The following ZNF385C variants were observed in gnomAD, a reference collection of about 807,000 sequenced individuals.
The protein encoded by ZNF385C is CTD-2132N18.2.
A neutral mutation model predicts 35.4 loss-of-function variants in ZNF385C; 28 were observed. That is an observed-to-expected ratio of 0.79 (90% CI 0.59 to 1.08). ZNF385C has a LOEUF of 1.08. ZNF385C is among the 50% of genes least tolerant of loss of function. ZNF385C has a pLI of 0.00. For missense variants in ZNF385C, 605 were observed against 595.6 expected (o/e 1.02, Z -0.16); for synonymous variants, 248 against 248.2 (o/e 1.00, Z 0.01).
chr17:42,066,205 G>A (rs868962315), intron 1 of ZNF385C, among the ~76,000 whole-genome samples: 13 of 152,024 alleles, frequency 8.6e-5, no homozygotes, highest in African/African-American at 1.2e-4. Context: ...GACTACAGGC[G>A]CGTGCCACCA....
chr17:42,035,242 G>A (rs1266071875), intron 3 of ZNF385C, among the ~76,000 whole-genome samples: 3 of 151,942 alleles, frequency 2.0e-5, no homozygotes, highest in African/African-American at 4.8e-5. Context: ...GGAAGCAGGG[G>A]AATGGCCAGA....
rs2053910800 is a variant in ZNF385C, at chr17:42,095,691, T to C, written c.-3+2719A>G. 6.6e-6 allele frequency among the ~76,000 whole-genome samples: 1 copy of C among 152,138 alleles called. No individual in the cohort carries two copies. Among genetic ancestry groups the C allele is most frequent in the Non-Finnish European group, 1.5e-5 (1 of 68,016 alleles). On this transcript the variant is annotated intron_variant, in intron 1 of 8. Coordinates refer to ENST00000692273, the MANE Select transcript of ZNF385C (RefSeq NM_001392013.1). The surrounding 1 kb of genome is among the most constrained non-coding windows in gnomAD (Gnocchi z 4.4). ...GGCCCACAGGGGAACTGCTTGTTGA[T>C]GACAACTGACAATCTTCATTTCACC...
chr17:42,062,443 C>G, intron 2 of ZNF385C: 1 of 187,872 alleles, frequency 5.3e-6, no homozygotes, highest in Non-Finnish European at 1.1e-5. Context: ...AGCCTGGGAC[C>G]CCCACCCCGC....
chr17:42,078,747 C>T (rs1324338823), intron 1 of ZNF385C, among the ~76,000 whole-genome samples: 2 of 152,008 alleles, frequency 1.3e-5, no homozygotes, highest in Non-Finnish European at 2.9e-5. Context: ...GGGGCATGGA[C>T]AGGATGATCT....
In ZNF385C at chr17:42,056,353, G is replaced by T. The variant is rs117611710; in HGVS notation, c.250+6454C>A. 1.4e-3 allele frequency among the ~76,000 whole-genome samples: 220 copies of T among 152,364 alleles called. 5 individuals are homozygous for T. In the East Asian group the frequency reaches 0.036, roughly 25 times the overall value. ...ATTTGTGGAATCATCTGTTGGGACAGCCTGCCCTCTCTGGGCCATACTCCT... is the reference window on the plus strand; with the variant it reads ...ATTTGTGGAATCATCTGTTGGGACATCCTGCCCTCTCTGGGCCATACTCCT... On this transcript the variant is annotated intron_variant, in intron 2 of 8. Transcript: ENST00000692273.
chr17:42,036,425 G>A (rs2052857606), intron 3 of ZNF385C, among the ~76,000 whole-genome samples: 1 of 151,862 alleles, frequency 6.6e-6, no homozygotes, highest in Admixed American at 6.6e-5. Context: ...GGGCGTGGTG[G>A]CTCACACCTG....
intron 2 of ZNF385C, chr17:42,039,642 C>A: frequency 8.2e-7 from 1 of 1,215,252 alleles, no homozygotes; most frequent in South Asian, 4.2e-5. Context: ...ATGGTCAAGT[C>A]TAGGTTGGCC....
Position 42,095,059 on chromosome 17 carries a change from T to G in ZNF385C, c.-3+3351A>C, listed in dbSNP as rs2053903473. Among the ~76,000 whole-genome samples the G allele has an allele frequency of 6.6e-6, 1 of 152,086 alleles. No individual in the cohort carries two copies. Among genetic ancestry groups the G allele is most frequent in the African/African-American group, 2.4e-5 (1 of 41,420 alleles). On this transcript the variant is annotated intron_variant, in intron 1 of 8. Transcript: ENST00000692273. The surrounding 1 kb of genome is among the most constrained non-coding windows in gnomAD (Gnocchi z 4.4). ...CTCTGGGGGTTAGTGCAGGCGGGCA[T>G]GCGTACCTGAGTGAGTTTGTGAGTG...
intron 2 of ZNF385C, chr17:42,038,148 T>C (rs1369254966): frequency 1.4e-6 from 2 of 1,385,558 alleles, no homozygotes; most frequent in South Asian, 1.3e-5. Context: ...TGAGGCAGCA[T>C]ACTGAACCCC....
chr17:42,073,899 G>A (rs2053657830), intron 1 of ZNF385C, among the ~76,000 whole-genome samples: 1 of 152,214 alleles, frequency 6.6e-6, no homozygotes, highest in Non-Finnish European at 1.5e-5. Flanking sequence ...CCATGGTGGG[G>A]AGCCTCAGGG....
chr17:42,042,091 C>G (rs1555656182), intron 2 of ZNF385C, among the ~76,000 whole-genome samples: 1 of 152,072 alleles, frequency 6.6e-6, no homozygotes, highest in Non-Finnish European at 1.5e-5. Context: ...CAAAAGAAAA[C>G]TAAGTCAAAA....
chr17:42,043,499 C>T (rs1359035696), intron 2 of ZNF385C: 15 of 825,700 alleles, frequency 1.8e-5, no homozygotes, highest in East Asian at 3.3e-5. Context: ...GGGGGCAGCC[C>T]GCCAGGCTAA....
intron 2 of ZNF385C, among the ~76,000 whole-genome samples, chr17:42,058,000 C>A (rs1555657710): frequency 6.6e-6 from 1 of 151,802 alleles, no homozygotes. Context: ...GGGGGGTGGG[C>A]AGGGTAAGTC....
chr17:42,071,641 G>C (rs1452568996), intron 1 of ZNF385C, among the ~76,000 whole-genome samples: 1 of 152,200 alleles, frequency 6.6e-6, no homozygotes, highest in African/African-American at 2.4e-5. Context: ...CCTTGCCTCT[G>C]CTGCCAGGCA....
At position 42,052,122 on chromosome 17, in the gene ZNF385C, C is replaced by G. The variant is rs960446661; in HGVS notation, c.250+10685G>C. 6.6e-4 allele frequency among the ~76,000 whole-genome samples: 100 copies of G among 152,286 alleles called. 1 individual carries two copies. Among genetic ancestry groups the G allele is most frequent in the Admixed American group, 1.2e-3 (19 of 15,294 alleles). On this transcript the variant is annotated intron_variant, in intron 2 of 8. Coordinates refer to ENST00000692273, the MANE Select transcript of ZNF385C (RefSeq NM_001392013.1). ...TAAGTGTCTTGGAGCAGCCATGGCT[C>G]ATTAGCTAACTGCCTCAAGAGGGTG...
At chr17:42,094,740 G>T (rs539277890) in intron 1 of ZNF385C, among the ~76,000 whole-genome samples, 6 of 152,298 alleles carry the variant, frequency 3.9e-5, no homozygotes, top group African/African-American at 1.4e-4. Flanking sequence ...GACGTGGGGG[G>T]AGCCAAAGTG....
At chr17:42,072,709 G>A (rs1307649388) in intron 1 of ZNF385C, among the ~76,000 whole-genome samples, 3 of 152,132 alleles carry the variant, frequency 2.0e-5, no homozygotes, top group Non-Finnish European at 2.9e-5. Context: ...GGGAGCAGGT[G>A]CCAGGAGCCG....
intron 1 of ZNF385C, among the ~76,000 whole-genome samples, chr17:42,086,262 C>A (rs552225878): frequency 5.0e-4 from 76 of 151,824 alleles, no homozygotes; most frequent in Middle Eastern, 3.4e-3. Context: ...TGTGGTGGCA[C>A]ACCCCTGTAA....
At chr17:42,046,814 T>C (rs1555656655) in intron 2 of ZNF385C, among the ~76,000 whole-genome samples, 1 of 151,028 alleles carries the variant, frequency 6.6e-6, no homozygotes, top group Non-Finnish European at 1.5e-5. Flanking sequence ...TTTGGCCACA[T>C]GAAAGAACTC....
Sources: gnomAD v4.1 joint callset for allele counts (sites outside exome capture counted in the v4.1 genomes callset) on GRCh38, gnomAD v4.1.1 for gene constraint, Gnocchi (gnomAD v3.1) non-coding constraint, MANE v1.5 for transcripts, NCBI Gene and HGNC (gene_info 2026-07-23, HGNC 2026-07-21) for gene names.